Variants in SLC39A11 observed in about 807,000 individuals in gnomAD.
SLC39A11 encodes the protein solute carrier family 39 member 11.
Under a neutral mutation model 36.1 loss-of-function variants are expected in SLC39A11, and 33 were observed. The ratio of observed to expected loss-of-function variants is 0.91; its 90% CI spans 0.69 to 1.22. The LOEUF (loss-of-function observed/expected upper bound fraction) is 1.22, where lower values mean the gene tolerates loss of function less well. SLC39A11 is among the 50% of genes most tolerant of loss of function. The pLI, the probability that SLC39A11 is intolerant of heterozygous loss-of-function variation, is 0.00. For synonymous variants in SLC39A11, 166 were observed against 170.3 expected (o/e 0.97, Z 0.20); for missense variants, 432 against 430.3 (o/e 1.00, Z -0.03).
intron 3 of SLC39A11, among the ~76,000 whole-genome samples, chr17:73,079,792 CAA>C (rs1328525007): frequency 6.6e-6 from 1 of 152,130 alleles, no homozygotes; most frequent in Non-Finnish European, 1.5e-5. Context: ...ATAAATTCAG[CAA>C]AGTTTCAGGA....
chr17:73,082,828 C>A (rs529569137), intron 3 of SLC39A11, among the ~76,000 whole-genome samples: 1 of 142,566 alleles, frequency 7.0e-6, no homozygotes, highest in African/African-American at 2.6e-5. Flanking sequence ...CTGGCCAACA[C>A]GGCAAAACCC....
At chr17:72,846,016 C>CTTT (rs1298340666) in intron 6 of SLC39A11, among the ~76,000 whole-genome samples, 1 of 85,318 alleles carries the variant, frequency 1.2e-5, no homozygotes, top group Non-Finnish European at 2.3e-5. Flanking sequence ...CTCTCTCTCT[C>CTTT]TCTTTTTTTT....
intron 3 of SLC39A11, among the ~76,000 whole-genome samples, chr17:73,036,963 T>C (rs1348392976): frequency 6.6e-6 from 1 of 152,256 alleles, no homozygotes; most frequent in Non-Finnish European, 1.5e-5. Flanking sequence ...GAATGTCCTA[T>C]AGTTGAAATC....
At chr17:72,869,800 A>G (rs369641272) in intron 5 of SLC39A11, among the ~76,000 whole-genome samples, 103 of 152,362 alleles carry the variant, frequency 6.8e-4, no homozygotes, top group Non-Finnish European at 1.3e-3. Flanking sequence ...CGAAAGTAAC[A>G]CATGTTCGTG....
At chr17:72,738,385 C>A (rs1344982139) in intron 6 of SLC39A11, among the ~76,000 whole-genome samples, 1 of 152,062 alleles carries the variant, frequency 6.6e-6, no homozygotes, top group Non-Finnish European at 1.5e-5. Flanking sequence ...CAGACAGATG[C>A]GGTCTACACT....
intron 4 of SLC39A11, among the ~76,000 whole-genome samples, chr17:72,949,457 G>A (rs1397411601): frequency 1.3e-5 from 2 of 151,838 alleles, no homozygotes; most frequent in Non-Finnish European, 2.9e-5. Flanking sequence ...CACTGCACCC[G>A]GCCAGCTTTT....
chr17:73,000,999 C>T (rs1395979506), intron 4 of SLC39A11, among the ~76,000 whole-genome samples: 1 of 152,118 alleles, frequency 6.6e-6, no homozygotes, highest in Admixed American at 6.5e-5. Context: ...TCTGCTGCAT[C>T]CAGTTTGAAC....
chr17:72,714,709 G>T (rs2073271924), intron 7 of SLC39A11, among the ~76,000 whole-genome samples: 1 of 152,196 alleles, frequency 6.6e-6, no homozygotes, highest in South Asian at 2.1e-4. Flanking sequence ...CCTTGGTAAA[G>T]ACCAGAGAAC....
chr17:72,727,406 C>T (rs2073969861), intron 7 of SLC39A11, among the ~76,000 whole-genome samples: 1 of 152,146 alleles, frequency 6.6e-6, no homozygotes. Flanking sequence ...GTAATCCCAG[C>T]ACTTTGGGAG....
chr17:73,028,830 T>A (rs1293366669), intron 4 of SLC39A11, among the ~76,000 whole-genome samples: 2 of 147,384 alleles, frequency 1.4e-5, no homozygotes, highest in Admixed American at 1.4e-4. Context: ...AAAAAAACAC[T>A]GCTGCAGCCG....
chr17:72,731,277 G>A (rs746545465), intron 7 of SLC39A11, among the ~76,000 whole-genome samples: 10 of 152,128 alleles, frequency 6.6e-5, no homozygotes, highest in Non-Finnish European at 1.0e-4. Context: ...TTGAACTGTC[G>A]TTTCTGTGTA....
intron 3 of SLC39A11, among the ~76,000 whole-genome samples, chr17:73,067,014 A>C (rs2060015743): frequency 6.6e-6 from 1 of 152,208 alleles, no homozygotes; most frequent in Non-Finnish European, 1.5e-5. Context: ...TTTCAAATGA[A>C]ACTAAAGAAA....
Position 72,849,668 on chromosome 17 carries a change from C to T in SLC39A11, c.567G>A (p.Leu189=), listed in dbSNP as rs751853412. 1.3e-6 allele frequency: 2 copies of T among 1,596,664 alleles called. No homozygotes were observed. Among genetic ancestry groups the T allele is most frequent in the Middle Eastern group, 1.7e-4 (1 of 5,962 alleles). ...PGGSSWRRIA[L]LILAITIHNV... is the part of the protein sequence containing the mutation. ...TGTGTATAGTGATGGCCAAGATGAG[C>T]AGTGCGATCCTCCTCCAGCTGCTGC... The change falls in exon 6 of 10, where the codon CTG becomes CTA. Residue 189 remains leucine (L), a synonymous_variant. Transcript: ENST00000255559.
chr17:72,917,230 T>C (rs2083383677), intron 5 of SLC39A11, among the ~76,000 whole-genome samples: 1 of 152,248 alleles, frequency 6.6e-6, no homozygotes, highest in African/African-American at 2.4e-5. Flanking sequence ...CACTTCTCTC[T>C]TCTCCACTTC....
At chr17:72,972,442 A>G (rs1465051301) in intron 4 of SLC39A11, among the ~76,000 whole-genome samples, 3 of 152,152 alleles carry the variant, frequency 2.0e-5, no homozygotes, top group Non-Finnish European at 2.9e-5. Context: ...GTGCGTTGCC[A>G]TCTAAAATCC....
At chr17:72,808,431 C>T (rs2077329529) in intron 6 of SLC39A11, among the ~76,000 whole-genome samples, 1 of 152,200 alleles carries the variant, frequency 6.6e-6, no homozygotes. Flanking sequence ...TGATAATAGT[C>T]CCTCCCTAAA....
At chr17:72,981,332 G>C (rs1253202036) in intron 4 of SLC39A11, among the ~76,000 whole-genome samples, 3 of 152,086 alleles carry the variant, frequency 2.0e-5, no homozygotes, top group Non-Finnish European at 4.4e-5. Flanking sequence ...TAAATGGCTA[G>C]TTTATTATTC....
At position 72,891,955 on chromosome 17, in the gene SLC39A11, C is replaced by T. The variant is rs148864023; in HGVS notation, c.431-42151G>A. On this transcript the variant is annotated intron_variant, in intron 5 of 9. Transcript: ENST00000255559. ...GCACTTCTGCAGCCTCAGGGCCTAG[C>T]ACAGTGTCCAGCACACAGTAGGTGC... 7.2e-5 allele frequency among the ~76,000 whole-genome samples: 11 copies of T among 152,260 alleles called. 1 individual carries two copies. In the East Asian group the frequency reaches 2.1e-3, roughly 29 times the overall value.
At chr17:72,770,047 A>G (rs1354490293) in intron 6 of SLC39A11, among the ~76,000 whole-genome samples, 1 of 152,156 alleles carries the variant, frequency 6.6e-6, no homozygotes, top group African/African-American at 2.4e-5. Context: ...GTATAAAACC[A>G]AACTGTGCCC....
Sources: gnomAD v4.1 joint callset for allele counts (sites outside exome capture counted in the v4.1 genomes callset) on GRCh38, gnomAD v4.1.1 for gene constraint, MANE v1.5 for transcripts, NCBI Gene and HGNC (gene_info 2026-07-23, HGNC 2026-07-21) for gene names.